Variants in RUNDC3B observed in about 807,000 individuals in gnomAD.
RUNDC3B encodes the protein RUN domain-containing protein 3B.
A neutral mutation model predicts 58.4 loss-of-function variants in RUNDC3B; 33 were observed. The ratio of observed to expected loss-of-function variants is 0.56; its 90% CI spans 0.43 to 0.75. The LOEUF (loss-of-function observed/expected upper bound fraction) is 0.75. Among genes scored for constraint, RUNDC3B ranks in the 30% least tolerant of loss-of-function variants. The pLI, the probability that RUNDC3B is intolerant of heterozygous loss-of-function variation, is 0.00. For missense variants in RUNDC3B, 501 were observed against 535.7 expected, an observed-to-expected ratio of 0.94 and a Z score of 0.64; for synonymous variants, 193 against 195.2, an observed-to-expected ratio of 0.99 and a Z score of 0.10.
chr7:87,782,500 T>C (rs1010643838), intron 8 of RUNDC3B, among the ~76,000 whole-genome samples: 6 of 152,056 alleles, frequency 3.9e-5, no homozygotes, highest in Non-Finnish European at 8.8e-5. Context: ...TTATTTCTTT[T>C]CTTCTTCTAG....
At chr7:87,816,092 A>AT (rs778168274) in intron 9 of RUNDC3B, 49 bp from the exon 10 acceptor site, 14 of 1,372,184 alleles carry the variant, frequency 1.0e-5, no homozygotes, top group Admixed American at 2.0e-5. Flanking sequence ...TCAAGAAATT[A>AT]TTTTTTTGTG....
chr7:87,698,288 G>C (rs967131009), intron 2 of RUNDC3B, among the ~76,000 whole-genome samples: 3 of 152,098 alleles, frequency 2.0e-5, no homozygotes, highest in Non-Finnish European at 2.9e-5. Context: ...TTTTAGTAGA[G>C]AGGGGGTTTC....
chr7:87,710,135 A>G (rs1004065511), intron 3 of RUNDC3B, among the ~76,000 whole-genome samples: 1 of 152,050 alleles, frequency 6.6e-6, no homozygotes, highest in Admixed American at 6.6e-5. Context: ...AGGATTGAAA[A>G]TTTTCTTAAA....
At chr7:87,636,836 A>G (rs1821824363) in intron 1 of RUNDC3B, among the ~76,000 whole-genome samples, 1 of 152,178 alleles carries the variant, frequency 6.6e-6, no homozygotes, top group Non-Finnish European at 1.5e-5. Context: ...ATGAGGACAT[A>G]CCTGAGACTG....
chr7:87,755,759 A>G (rs1456600266), intron 6 of RUNDC3B, among the ~76,000 whole-genome samples: 3 of 152,212 alleles, frequency 2.0e-5, no homozygotes, highest in Admixed American at 2.0e-4. Flanking sequence ...CCTACAGCCA[A>G]CATTATACTG....
At chr7:87,764,669 C>T (rs1281192774) in intron 6 of RUNDC3B, among the ~76,000 whole-genome samples, 1 of 151,888 alleles carries the variant, frequency 6.6e-6, no homozygotes, top group African/African-American at 2.4e-5. Context: ...TGAGCTATCT[C>T]ACTTAGGATA....
At chr7:87,754,945 A>C (rs1284732335) in intron 6 of RUNDC3B, among the ~76,000 whole-genome samples, 1 of 135,804 alleles carries the variant, frequency 7.4e-6, no homozygotes, top group Non-Finnish European at 1.5e-5. Flanking sequence ...TTACCAACCA[A>C]AAAAAAAAAA....
At chr7:87,799,829 T>C (rs1836029659) in intron 8 of RUNDC3B, among the ~76,000 whole-genome samples, 1 of 141,232 alleles carries the variant, frequency 7.1e-6, no homozygotes. Context: ...GAGGTTGCAG[T>C]GAGCCAAGAT....
chr7:87,791,131 G>A (rs916347264), intron 8 of RUNDC3B, among the ~76,000 whole-genome samples: 5 of 152,090 alleles, frequency 3.3e-5, no homozygotes, highest in Non-Finnish European at 5.9e-5. Context: ...CAATATGTCT[G>A]GCAGCAGACT....
At chr7:87,820,374 T>A (rs1025777398) in intron 10 of RUNDC3B, among the ~76,000 whole-genome samples, 2 of 152,058 alleles carry the variant, frequency 1.3e-5, no homozygotes, top group African/African-American at 4.8e-5. Context: ...AATAACAGGA[T>A]CTGAAATTGT....
chr7:87,783,890 C>T (rs1242188966), intron 8 of RUNDC3B, among the ~76,000 whole-genome samples: 1 of 151,974 alleles, frequency 6.6e-6, no homozygotes, highest in Non-Finnish European at 1.5e-5. Context: ...GATAGGATCC[C>T]CTTTGTAAGT....
At chr7:87,687,356 C>T (rs753296158) in intron 2 of RUNDC3B, among the ~76,000 whole-genome samples, 1 of 152,224 alleles carries the variant, frequency 6.6e-6, no homozygotes. Context: ...AAAACTACTC[C>T]ATGAGGTTTA....
At chr7:87,756,748 G>A (rs1269522940) in intron 6 of RUNDC3B, among the ~76,000 whole-genome samples, 1 of 151,938 alleles carries the variant, frequency 6.6e-6, no homozygotes, top group African/African-American at 2.4e-5. Flanking sequence ...TAGTTTGTCA[G>A]CATTGTTTTT....
At chr7:87,651,874 C>A (rs1823608100) in intron 2 of RUNDC3B, among the ~76,000 whole-genome samples, 1 of 152,076 alleles carries the variant, frequency 6.6e-6, no homozygotes, top group Non-Finnish European at 1.5e-5. Context: ...TATCCCTCTG[C>A]AATTTAAAAC....
chr7:87,749,814 G>A (rs1482949316), intron 6 of RUNDC3B, among the ~76,000 whole-genome samples: 3 of 151,680 alleles, frequency 2.0e-5, no homozygotes, highest in African/African-American at 7.3e-5. Flanking sequence ...CATTTTGATG[G>A]ATGGCTTTTC....
At chr7:87,719,559 G>A (rs949360053) in intron 4 of RUNDC3B, among the ~76,000 whole-genome samples, 15 of 151,820 alleles carry the variant, frequency 9.9e-5, no homozygotes, top group African/African-American at 3.1e-4. Flanking sequence ...AGCTTTACCC[G>A]ATACTAAACA....
chr7:87,690,992 A>G (rs1239554102), intron 2 of RUNDC3B, among the ~76,000 whole-genome samples: 1 of 152,150 alleles, frequency 6.6e-6, no homozygotes, highest in South Asian at 2.1e-4. Flanking sequence ...TACTTTTTGC[A>G]TAAGTGTTAA....
chr7:87,672,481 T>C (rs1215115128), intron 2 of RUNDC3B, among the ~76,000 whole-genome samples: 1 of 152,110 alleles, frequency 6.6e-6, no homozygotes, highest in African/African-American at 2.4e-5. Context: ...TGGGGTGCCG[T>C]GGAAGTGGGG....
At chr7:87,748,120 GC>G (rs1408611601) in intron 6 of RUNDC3B, among the ~76,000 whole-genome samples, 1 of 152,150 alleles carries the variant, frequency 6.6e-6, no homozygotes, top group Non-Finnish European at 1.5e-5. Context: ...GGCAGGAATG[GC>G]CTTCTTGGGC....
Sources: allele counts gnomAD v4.1 joint callset (sites outside exome capture counted in the v4.1 genomes callset), GRCh38; gene constraint gnomAD v4.1.1; transcripts MANE v1.5; gene names NCBI Gene and HGNC (gene_info 2026-07-23, HGNC 2026-07-21).